Variants in SCAI observed in about 807,000 individuals in gnomAD.
SCAI encodes the protein protein SCAI.
Under a neutral mutation model 92.2 loss-of-function variants are expected in SCAI, and 24 were observed. The ratio of observed to expected loss-of-function variants is 0.26; its 90% CI spans 0.19 to 0.37. SCAI has a LOEUF of 0.37. SCAI is among the 10% of genes least tolerant of loss of function. The pLI, the probability that SCAI is intolerant of heterozygous loss-of-function variation, is 1.00. For missense variants in SCAI, 450 were observed against 736.2 expected, an observed-to-expected ratio of 0.61 and a Z score of 4.50; for synonymous variants, 261 against 258.6, an observed-to-expected ratio of 1.01 and a Z score of -0.09.
chr9:125,005,716 G>A (rs936636094), intron 9 of SCAI, among the ~76,000 whole-genome samples: 1 of 152,104 alleles, frequency 6.6e-6, no homozygotes, highest in African/African-American at 2.4e-5. Flanking sequence ...GGGTAGCATG[G>A]GCCTCCTGGC....
chr9:125,022,591 T>G (rs1832891394), intron 6 of SCAI, among the ~76,000 whole-genome samples: 1 of 152,174 alleles, frequency 6.6e-6, no homozygotes, highest in Non-Finnish European at 1.5e-5. Flanking sequence ...TTTTTATTTT[T>G]ATTTTTTGTA....
At chr9:124,981,413 G>A (rs148524052) in intron 14 of SCAI, among the ~76,000 whole-genome samples, 54 of 152,164 alleles carry the variant, frequency 3.5e-4, no homozygotes, top group African/African-American at 1.3e-3. Flanking sequence ...TTTCTAGTTG[G>A]GACAAAAGTA....
chr9:125,061,973 A>T (rs2131146383), intron 2 of SCAI, among the ~76,000 whole-genome samples: 1 of 152,266 alleles, frequency 6.6e-6, no homozygotes, highest in East Asian at 1.9e-4. Context: ...GAAGATATGT[A>T]TGTGTTTTAC....
rs1468994561 is a variant in SCAI at position 125,091,953 on chromosome 9, T to TA, written c.99-35947dup. On this transcript the variant is annotated intron_variant, in intron 2 of 17. Coordinates refer to ENST00000336505, the MANE Select transcript of SCAI (RefSeq NM_001144877.3). The surrounding 1 kb of genome is among the most constrained non-coding windows in gnomAD (Gnocchi z 4.3). ...GATGAAACCCCGTCTCTACCAAAAA[T>TA]AAAAAAATAAAAATAAAAATAAAAA... Among the ~76,000 whole-genome samples the TA allele has an allele frequency of 1.3e-5, 2 of 150,082 alleles. No homozygotes were observed. The highest frequency in any genetic ancestry group is 6.6e-5 in the Admixed American group (1 of 15,040).
chr9:125,026,358 C>T (rs371496984), intron 6 of SCAI, among the ~76,000 whole-genome samples: 6 of 140,390 alleles, frequency 4.3e-5, no homozygotes, highest in East Asian at 2.0e-4. Context: ...CCAGCCTGGG[C>T]GACAGAGCAA....
Position 124,948,149 on chromosome 9 carries a change from G to A in SCAI, c.*4658C>T, listed in dbSNP as rs1319230485. The A allele has an allele frequency of 1.3e-5, 2 of 152,040 alleles. No individual in the cohort carries two copies. The highest frequency in any genetic ancestry group is 2.9e-5 in the Non-Finnish European group (2 of 68,032). The allele number at this position is 152,040 out of a possible 1,614,324, so 9.4% of individuals were successfully genotyped here. A position where few individuals can be genotyped will look rare whatever the true frequency, so the allele number is the denominator to read the frequency against. On this transcript the variant is annotated 3_prime_UTR_variant, in exon 18 of 18. Transcript: ENST00000336505. ...ATCCTGACTAAATCAGTATAATTAC[G>A]ACATAATCTGTTTCAGGGAATTCTA...
rs190930753 is a variant in SCAI, at chr9:125,025,298, T to C, written c.512+1514A>G. Among the ~76,000 whole-genome samples, 57 of 152,340 alleles carry C rather than the reference T, an allele frequency of 3.7e-4. No homozygotes were observed. In the East Asian group the frequency reaches 6.5e-3, roughly 17 times the overall value. ...CAAATAATCCTACTTCTAAATAATA[T>C]GCTCTGATCTAGAAAACTGCAAAGG... On this transcript the variant is annotated intron_variant, in intron 6 of 17. Transcript: ENST00000336505.
At position 125,091,839 on chromosome 9, in the gene SCAI, C is replaced by T. The variant is rs924630843; in HGVS notation, c.99-35832G>A. On this transcript the variant is annotated intron_variant, in intron 2 of 17. Transcript: ENST00000336505. The surrounding 1 kb of genome is among the most constrained non-coding windows in gnomAD (Gnocchi z 4.3). The stretch of plus-strand genomic sequence containing the variant: ...AAAAAACAGAGGCTTGGGCCGGGCA[C>T]AGTGGCTCACGCCTGTAATCCCAGC... Among the ~76,000 whole-genome samples, 20 of 152,174 alleles carry T rather than the reference C, an allele frequency of 1.3e-4. No individual in the cohort carries two copies. The highest frequency in any genetic ancestry group is 2.9e-4 in the Non-Finnish European group (20 of 68,048).
chr9:125,077,672 T>C (rs895356186), intron 2 of SCAI, among the ~76,000 whole-genome samples: 1 of 152,314 alleles, frequency 6.6e-6, no homozygotes, highest in South Asian at 2.1e-4. Context: ...TGGGGCTTTG[T>C]ATATTTCCTT....
At chr9:124,983,153 C>T (rs1349150774) in intron 14 of SCAI, among the ~76,000 whole-genome samples, 1 of 135,600 alleles carries the variant, frequency 7.4e-6, no homozygotes, top group African/African-American at 2.8e-5. Context: ...AGAATGAAAA[C>T]CTGTCTCTTA....
intron 3 of SCAI, among the ~76,000 whole-genome samples, chr9:125,035,920 A>T (rs1002559945): frequency 1.3e-5 from 2 of 152,198 alleles, no homozygotes; most frequent in African/African-American, 4.8e-5. Flanking sequence ...TTAGCCAACC[A>T]GCAGCCCTCG....
intron 17 of SCAI, among the ~76,000 whole-genome samples, chr9:124,963,782 A>C (rs1831489118): frequency 6.8e-6 from 1 of 147,940 alleles, no homozygotes; most frequent in Admixed American, 6.8e-5. Flanking sequence ...AAAAAAAAAA[A>C]GGAAAAAGAA....
intron 3 of SCAI, among the ~76,000 whole-genome samples, chr9:125,046,452 G>T (rs553059334): frequency 6.8e-6 from 1 of 146,830 alleles, no homozygotes; most frequent in Non-Finnish European, 1.5e-5. Context: ...AGTAACTCAC[G>T]AATGGAAAAC....
chr9:125,001,449 A>C (rs1185306051), intron 12 of SCAI, among the ~76,000 whole-genome samples: 5 of 152,208 alleles, frequency 3.3e-5, no homozygotes, highest in African/African-American at 1.2e-4. Flanking sequence ...TATTCTACAG[A>C]TTGAATCCAT....
At chr9:124,970,224 A>C (rs1831630959) in intron 17 of SCAI, among the ~76,000 whole-genome samples, 1 of 152,182 alleles carries the variant, frequency 6.6e-6, no homozygotes, top group African/African-American at 2.4e-5. Flanking sequence ...AGTGATTTGC[A>C]ATATATAGTC....
At chr9:125,127,584 T>C (rs1835304115) in intron 2 of SCAI, among the ~76,000 whole-genome samples, 1 of 152,190 alleles carries the variant, frequency 6.6e-6, no homozygotes, top group Admixed American at 6.5e-5. Context: ...TAATACTTTT[T>C]GCTTACCTGA....
chr9:125,111,629 GTTC>G (rs892706683), intron 2 of SCAI, among the ~76,000 whole-genome samples: 59 of 151,636 alleles, frequency 3.9e-4, no homozygotes, highest in Non-Finnish European at 4.0e-4. Context: ...CAAGACAACT[GTTC>G]TTCTTCCAGT....
intron 17 of SCAI, among the ~76,000 whole-genome samples, chr9:124,957,166 G>A: frequency 6.6e-6 from 1 of 151,566 alleles, no homozygotes; most frequent in East Asian, 1.9e-4. Flanking sequence ...GTAATTTTTT[G>A]TATTTTTTGT....
chr9:125,066,123 A>G, intron 2 of SCAI: 1 of 643,222 alleles, frequency 1.6e-6, no homozygotes, highest in Non-Finnish European at 2.8e-6. Flanking sequence ...CATAACATGA[A>G]CATTTCCATA....
Sources: allele counts gnomAD v4.1 joint callset (sites outside exome capture counted in the v4.1 genomes callset), GRCh38; gene constraint gnomAD v4.1.1; non-coding constraint Gnocchi (gnomAD v3.1); transcripts MANE v1.5; gene names NCBI Gene and HGNC (gene_info 2026-07-23, HGNC 2026-07-21).